The following GLYATL2 variants were observed in gnomAD, a reference collection of about 807,000 sequenced individuals.
GLYATL2 encodes the protein glycine-N-acyltransferase like 2.
A neutral mutation model predicts 21.4 loss-of-function variants in GLYATL2; 25 were observed. The ratio of observed to expected loss-of-function variants is 1.17; its 90% CI spans 0.85 to 1.63. The LOEUF (loss-of-function observed/expected upper bound fraction) is 1.63, where lower values mean the gene tolerates loss of function less well. GLYATL2 is among the 40% of genes most tolerant of loss of function. GLYATL2 has a pLI of 0.00. For synonymous variants in GLYATL2, 114 were observed against 118.2 expected (o/e 0.96, Z 0.23); for missense variants, 361 against 343.3 (o/e 1.05, Z -0.41).
At chr11:58,909,550 T>G in the GLYATL2 span, among the ~76,000 whole-genome samples, 4 of 152,314 alleles carry the variant, frequency 2.6e-5, no homozygotes, top group African/African-American at 9.6e-5. Context: ...CTAAAACTAA[T>G]TTATTCTTTT....
intron 1 of GLYATL2, among the ~76,000 whole-genome samples, chr11:58,876,878 C>G (rs1854243990): frequency 6.6e-6 from 1 of 152,254 alleles, no homozygotes; most frequent in African/African-American, 2.4e-5. Flanking sequence ...CTGTGTCCTG[C>G]CCTCAGAGGT....
intron 2 of GLYATL2, 101 bp from the exon 3 acceptor site, chr11:58,838,469 A>T (rs1420737762): frequency 1.2e-5 from 9 of 724,632 alleles, no homozygotes; most frequent in Admixed American, 2.6e-5. Flanking sequence ...TAAGGACAAG[A>T]AGTATAGGAG....
chr11:58,885,463 T>C (rs1854419969), intron 1 of GLYATL2: 1 of 509,784 alleles, frequency 2.0e-6, no homozygotes, highest in Non-Finnish European at 3.9e-6. Context: ...ACATCAATCA[T>C]AGGAACCCCT....
upstream of GLYATL2, among the ~76,000 whole-genome samples, chr11:58,848,985 C>A (rs1053728116): frequency 1.3e-5 from 2 of 152,116 alleles, no homozygotes; most frequent in African/African-American, 4.8e-5. Context: ...AATGGAGATA[C>A]AATACATCTG....
intron 1 of GLYATL2, among the ~76,000 whole-genome samples, chr11:58,877,772 G>A (rs1390494482): frequency 6.6e-6 from 1 of 152,228 alleles, no homozygotes; most frequent in Non-Finnish European, 1.5e-5. Context: ...AAGATTAGGA[G>A]GGGAATTGGA....
At chr11:58,864,599 T>C (rs1447779922) in intron 1 of GLYATL2, among the ~76,000 whole-genome samples, 1 of 149,358 alleles carries the variant, frequency 6.7e-6, no homozygotes, top group Non-Finnish European at 1.5e-5. Flanking sequence ...TCTGCTGCTC[T>C]GGTACCTGGT....
At chr11:58,856,030 C>G (rs1259413951) in intron 1 of GLYATL2, among the ~76,000 whole-genome samples, 1 of 152,090 alleles carries the variant, frequency 6.6e-6, no homozygotes, top group Non-Finnish European at 1.5e-5. Flanking sequence ...ACTCAGGAGG[C>G]TGAGGGAGGA....
chr11:58,889,671 TA>T (rs1217802657), intron 1 of GLYATL2, among the ~76,000 whole-genome samples: 1 of 152,094 alleles, frequency 6.6e-6, no homozygotes, highest in African/African-American at 2.4e-5. Context: ...TTTATTACAC[TA>T]AAAGATCTTC....
chr11:58,897,705 T>A (rs1172782613), intron 1 of GLYATL2, among the ~76,000 whole-genome samples: 1 of 152,240 alleles, frequency 6.6e-6, no homozygotes, highest in African/African-American at 2.4e-5. Context: ...TTTGTAAGCA[T>A]ATTCCCTGAC....
At chr11:58,858,257 C>T (rs1000406965) in intron 1 of GLYATL2, among the ~76,000 whole-genome samples, 1 of 152,166 alleles carries the variant, frequency 6.6e-6, no homozygotes, top group African/African-American at 2.4e-5. Flanking sequence ...GTTCTGACAA[C>T]TGGAGATGAG....
At chr11:58,851,261 G>T (rs932837291) in intron 1 of GLYATL2, among the ~76,000 whole-genome samples, 2 of 152,134 alleles carry the variant, frequency 1.3e-5, no homozygotes, top group African/African-American at 4.8e-5. Flanking sequence ...TTATTTCTAT[G>T]ATCTCTCATC....
At chr11:58,909,152 A>G (rs1264381265), upstream of GLYATL2, among the ~76,000 whole-genome samples, 1 of 152,218 alleles carries the variant, frequency 6.6e-6, no homozygotes, top group African/African-American at 2.4e-5. Context: ...AAGAAATTAA[A>G]GCAGTGTCAT....
chr11:58,908,440 G>T, upstream of GLYATL2: 1 of 176,248 alleles, frequency 5.7e-6, no homozygotes, highest in Non-Finnish European at 1.3e-5. Flanking sequence ...ACTAGTAGAA[G>T]TTAGTTATAT....
chr11:58,869,767 G>A (rs926214340), intron 1 of GLYATL2, among the ~76,000 whole-genome samples: 3 of 152,112 alleles, frequency 2.0e-5, no homozygotes, highest in African/African-American at 7.2e-5. Flanking sequence ...TAAAATTATT[G>A]TAAAATAAAA....
At chr11:58,881,228 C>G (rs1261079322) in intron 1 of GLYATL2, among the ~76,000 whole-genome samples, 1 of 152,076 alleles carries the variant, frequency 6.6e-6, no homozygotes, top group Non-Finnish European at 1.5e-5. Context: ...ATTCTAATTT[C>G]CAGTTCCAAA....
chr11:58,860,772 C>A (rs1370688351), intron 1 of GLYATL2, among the ~76,000 whole-genome samples: 2 of 152,048 alleles, frequency 1.3e-5, no homozygotes, highest in Non-Finnish European at 2.9e-5. Context: ...AGCTACATTT[C>A]TTCTATACCT....
intron 1 of GLYATL2, among the ~76,000 whole-genome samples, chr11:58,890,218 C>T (rs1854516979): frequency 6.6e-6 from 1 of 152,116 alleles, no homozygotes; most frequent in African/African-American, 2.4e-5. Flanking sequence ...TCTGTTACAG[C>T]ATTAATTTGC....
At chr11:58,891,358 C>T (rs765863751) in intron 1 of GLYATL2, among the ~76,000 whole-genome samples, 9 of 152,180 alleles carry the variant, frequency 5.9e-5, no homozygotes, top group Non-Finnish European at 1.2e-4. Flanking sequence ...ATGAGTCTAA[C>T]ACTACATAAA....
At chr11:58,858,416 G>C (rs951012539) in intron 1 of GLYATL2, among the ~76,000 whole-genome samples, 7 of 151,706 alleles carry the variant, frequency 4.6e-5, no homozygotes, top group Admixed American at 3.9e-4. Context: ...ATAATGCTTT[G>C]TTATAAATTT....
Sources: gnomAD v4.1 joint callset for allele counts (sites outside exome capture counted in the v4.1 genomes callset) on GRCh38, gnomAD v4.1.1 for gene constraint, MANE v1.5 for transcripts, NCBI Gene and HGNC (gene_info 2026-07-23, HGNC 2026-07-21) for gene names.